FTO: variants seen among roughly 807,000 people sequenced by gnomAD.
The protein encoded by FTO is alpha-ketoglutarate-dependent dioxygenase FTO.
Under a neutral mutation model 63.9 loss-of-function variants are expected in FTO, and 47 were observed. That is an observed-to-expected ratio of 0.74 (90% CI 0.58 to 0.94). FTO has a LOEUF of 0.94. Ranked by LOEUF, FTO falls within the 40% of genes least tolerant of loss-of-function variation. The pLI is 0.00. For missense variants in FTO, 562 were observed against 618.1 expected (o/e 0.91, Z 0.96); for synonymous variants, 207 against 224.4 (o/e 0.92, Z 0.69).
At chr16:53,964,924 AATTAT>A (rs1482992040) in intron 8 of FTO, among the ~76,000 whole-genome samples, 7 of 152,222 alleles carry the variant, frequency 4.6e-5, no homozygotes, top group African/African-American at 1.7e-4. Flanking sequence ...GGTAAACACA[AATTAT>A]ATTATAATGA....
intron 4 of FTO, among the ~76,000 whole-genome samples, chr16:53,869,913 C>T (rs2080447360): frequency 6.6e-6 from 1 of 151,964 alleles, no homozygotes; most frequent in Non-Finnish European, 1.5e-5. Flanking sequence ...ATTTAGAAGG[C>T]CTTGTACTTT....
intron 1 of FTO, among the ~76,000 whole-genome samples, chr16:53,761,682 C>G (rs1456354230): frequency 1.3e-5 from 2 of 152,132 alleles, no homozygotes; most frequent in Non-Finnish European, 2.9e-5. Flanking sequence ...TGGGAGACTC[C>G]TGCTCAGTTT....
intron 8 of FTO, among the ~76,000 whole-genome samples, chr16:53,995,494 G>T (rs2083913231): frequency 6.6e-6 from 1 of 152,232 alleles, no homozygotes; most frequent in Non-Finnish European, 1.5e-5. Context: ...GCTGGCTAGT[G>T]AGAGACCCGG....
At chr16:53,767,685 T>A (rs1174001653) in intron 1 of FTO, among the ~76,000 whole-genome samples, 1 of 152,094 alleles carries the variant, frequency 6.6e-6, no homozygotes, top group Non-Finnish European at 1.5e-5. Context: ...GTAAATTTCT[T>A]GTGATTATTG....
intron 7 of FTO, 60 bp from the exon 8 acceptor site, chr16:53,933,925 G>T (rs1380785010): frequency 2.6e-6 from 4 of 1,542,342 alleles, no homozygotes; most frequent in Non-Finnish European, 3.5e-6. Flanking sequence ...TTGCTTATGG[G>T]CTTTTTTTTA....
chr16:54,008,332 C>G (rs1401455331), intron 8 of FTO: 2 of 151,788 alleles, frequency 1.3e-5, no homozygotes, highest in Non-Finnish European at 2.9e-5. Flanking sequence ...TTTATCATCC[C>G]CTTTTATTTG....
chr16:53,737,040 A>T (rs554087235), intron 1 of FTO, among the ~76,000 whole-genome samples: 1 of 152,228 alleles, frequency 6.6e-6, no homozygotes, highest in Non-Finnish European at 1.5e-5. Flanking sequence ...TTGCGTTGGT[A>T]TACTTGGTGT....
intron 6 of FTO, among the ~76,000 whole-genome samples, chr16:53,887,319 G>A (rs2081027117): frequency 6.6e-6 from 1 of 152,142 alleles, no homozygotes; most frequent in Non-Finnish European, 1.5e-5. Context: ...ATTCTGATGG[G>A]ACATATTCCT....
chr16:54,032,321 A>G (rs140561351), intron 8 of FTO, among the ~76,000 whole-genome samples: 83 of 152,358 alleles, frequency 5.4e-4, no homozygotes, highest in African/African-American at 1.9e-3. Flanking sequence ...GGAACGAGCC[A>G]AGAGTGATTC....
At chr16:53,892,618 T>C (rs1482562689) in intron 7 of FTO, among the ~76,000 whole-genome samples, 4 of 152,342 alleles carry the variant, frequency 2.6e-5, no homozygotes, top group African/African-American at 9.6e-5. Context: ...TCGTGCGTGT[T>C]GTGGAAGGAT....
At chr16:54,079,260 A>G (rs1365297052) in intron 8 of FTO, among the ~76,000 whole-genome samples, 2 of 152,140 alleles carry the variant, frequency 1.3e-5, no homozygotes, top group Non-Finnish European at 2.9e-5. Flanking sequence ...CTGCTGACAT[A>G]ATCAGTGGTA....
Position 54,090,177 on chromosome 16 carries a change from A to G in FTO, c.1365-21585A>G, listed in dbSNP as rs189367976. ...TGGATAAACAAAATGTGTTATATGC[A>G]TACAGTGGAATATTATTCAGCCATT... On this transcript the variant is annotated intron_variant, in intron 8 of 8. Coordinates refer to ENST00000471389, the MANE Select transcript of FTO (RefSeq NM_001080432.3). Among the ~76,000 whole-genome samples, 222 of 152,376 alleles carry G rather than the reference A, an allele frequency of 1.5e-3. 1 individual carries two copies. The highest frequency in any genetic ancestry group is 6.3e-3 in the Admixed American group (97 of 15,310).
intron 7 of FTO, among the ~76,000 whole-genome samples, chr16:53,890,721 G>T (rs867605652): frequency 1.3e-5 from 2 of 152,176 alleles, no homozygotes; most frequent in Admixed American, 6.5e-5. Flanking sequence ...TGAAAAGTCT[G>T]TGCCTAAATC....
At position 53,769,770 on chromosome 16, in the gene FTO, T is replaced by C. The variant is rs534180390; in HGVS notation, c.46-40370T>C. Among the ~76,000 whole-genome samples the C allele has an allele frequency of 5.3e-5, 8 of 152,168 alleles. 1 individual carries two copies. The South Asian group carries it at 1.7e-3, about 32-fold the overall frequency. On this transcript the variant is annotated intron_variant, in intron 1 of 8. Transcript: ENST00000471389. ...TAAACATAATAAAATGCATTTCTTG[T>C]TTATGTAACAGTAATGAGTAGGTAA...
chr16:53,760,634 T>C (rs2077044387), intron 1 of FTO, among the ~76,000 whole-genome samples: 1 of 147,212 alleles, frequency 6.8e-6, no homozygotes, highest in Non-Finnish European at 1.5e-5. Context: ...TTTTTTTTTT[T>C]TTTTTTTCCT....
intron 1 of FTO, among the ~76,000 whole-genome samples, chr16:53,800,880 CAT>C (rs1490296963): frequency 1.3e-5 from 2 of 151,956 alleles, no homozygotes; most frequent in Non-Finnish European, 2.9e-5. Flanking sequence ...ATGTACATAA[CAT>C]ATAATTTATC....
chr16:54,066,903 A>G (rs533197958), intron 8 of FTO, among the ~76,000 whole-genome samples: 6 of 152,344 alleles, frequency 3.9e-5, no homozygotes, highest in Admixed American at 3.9e-4. Context: ...ACAGCCAAGT[A>G]TGCTGCATTT....
At chr16:53,818,485 T>G (rs2078762021) in intron 2 of FTO, among the ~76,000 whole-genome samples, 1 of 152,116 alleles carries the variant, frequency 6.6e-6, no homozygotes, top group South Asian at 2.1e-4. Flanking sequence ...AAATTAAGAA[T>G]TTTTTTAGTG....
chr16:54,032,655 T>C (rs2084858075), intron 8 of FTO, among the ~76,000 whole-genome samples: 1 of 145,912 alleles, frequency 6.9e-6, no homozygotes, highest in African/African-American at 2.8e-5. Context: ...GAGCTTGTAG[T>C]TAAAGGCTTG....
Sources: gnomAD v4.1 joint callset for allele counts (sites outside exome capture counted in the v4.1 genomes callset) on GRCh38, gnomAD v4.1.1 for gene constraint, MANE v1.5 for transcripts, NCBI Gene and HGNC (gene_info 2026-07-23, HGNC 2026-07-21) for gene names.